SZT2: variants seen among roughly 807,000 people sequenced by gnomAD.
SZT2 encodes the protein SZT2 subunit of KICSTOR complex.
SZT2 carries 216 observed loss-of-function variants against 404.2 expected under a neutral mutation model. That is an observed-to-expected ratio of 0.53 (90% CI 0.48 to 0.60). The LOEUF is 0.60. Ranked by LOEUF, SZT2 falls within the 20% of genes least tolerant of loss-of-function variation. SZT2 has a pLI of 0.00. For missense variants in SZT2, 3,857 were observed against 4,459.2 expected (o/e 0.86, Z 3.85); for synonymous variants, 1,693 against 1,749.9 (o/e 0.97, Z 0.81).
chr1:43,420,635 G>C lies in SZT2; in HGVS notation c.1262-114G>C. 9.3e-7 allele frequency: 1 copy of C among 1,070,256 alleles called. No homozygotes were observed. 66.3% of individuals were successfully genotyped at this position (1,070,256 alleles called of 1,614,324 possible). On this transcript the variant is annotated intron_variant, in intron 9 of 71. Coordinates refer to ENST00000634258, the MANE Select transcript of SZT2 (RefSeq NM_001365999.1). The surrounding 1 kb of genome is among the most constrained non-coding windows in gnomAD (Gnocchi z 5.1). ...GCCTGAAACCTGTGGAACCATGCTT[G>C]GAACCTTTGGCAGGACTGGGTTCCA... is the stretch of plus-strand genomic sequence containing the variant.
At position 43,454,056 on chromosome 1, in the gene SZT2, A is replaced by C; in HGVS notation, c.*3576A>C. 1 of 1,132,508 alleles carries C rather than the reference A, an allele frequency of 8.8e-7. No homozygotes were observed. Among genetic ancestry groups the C allele is most frequent in the Non-Finnish European group, 1.1e-6 (1 of 925,360 alleles). The allele number at this position is 1,132,508 out of a possible 1,614,324, so 70.2% of individuals were successfully genotyped here. ...AGCAGGACCCGCGCCTGGAGAAGGT[A>C]GGGAGGCCGAGCTCCAGGGCCTGAG... is the stretch of plus-strand genomic sequence containing the variant. On this transcript the variant is annotated 3_prime_UTR_variant, in exon 72 of 72. Transcript: ENST00000634258.
chr1:43,440,139 G>A, intron 51 of SZT2, 91 bp downstream of exon 51: 2 of 1,539,252 alleles, frequency 1.3e-6, no homozygotes, highest in East Asian at 2.3e-5. Context: ...GTGGGGTTTA[G>A]GGGAAGCATG....
chr1:43,452,346 T>C lies in SZT2; in HGVS notation c.*1866T>C. 6.5e-7 allele frequency: 1 copy of C among 1,545,624 alleles called. No individual in the cohort carries two copies. Among genetic ancestry groups the C allele is most frequent in the South Asian group, 1.1e-5 (1 of 88,670 alleles). ...TGTGGGGAAGATGGACTGGAGGCCT[T>C]GCCTCCCTTGGCTCTCTCTGCACCT... On this transcript the variant is annotated 3_prime_UTR_variant, in exon 72 of 72. Transcript: ENST00000634258.
chr1:43,396,731 C>G (rs1570539890), intron 1 of SZT2, among the ~76,000 whole-genome samples: 2 of 152,344 alleles, frequency 1.3e-5, no homozygotes, highest in South Asian at 2.1e-4. Flanking sequence ...TTCTGTAACA[C>G]TGTTCTTTCT....
chr1:43,433,286 T>C (rs1243590049), intron 40 of SZT2, 96 bp downstream of exon 40: 1 of 1,365,708 alleles, frequency 7.3e-7, no homozygotes, highest in African/African-American at 1.4e-5. Flanking sequence ...AAGTAAGACT[T>C]GGGACTGAGA....
In SZT2 at chr1:43,442,982, C is replaced by T. The variant is rs1174812322; in HGVS notation, c.8315C>T (p.Thr2772Met). ...FPFDEALRDITAARPSSVLGP... is the reference protein window; with the variant it reads ...FPFDEALRDIMAARPSSVLGP... ...TTTGACGAGGCCCTAAGGGATATCACGGCTGCCCGCCCCAGCTCCGTACTT... is the reference window on the plus strand; with the variant it reads ...TTTGACGAGGCCCTAAGGGATATCATGGCTGCCCGCCCCAGCTCCGTACTT... Residue 2772 changes from threonine to methionine, a missense_variant, in exon 59 of 72, where the codon ACG (threonine) becomes ATG (methionine). Physicochemically the swap from Thr to Met is moderately conservative, Grantham distance 81. This residue lies in a region of SZT2 where 6 missense variants were observed against 17.5 expected (regional missense o/e 0.34). Transcript: ENST00000634258. The surrounding 1 kb of genome is among the most constrained non-coding windows in gnomAD (Gnocchi z 4.5). The T allele has an allele frequency of 2.6e-5, 42 of 1,614,016 alleles. No homozygotes were observed. The highest frequency in any genetic ancestry group is 3.3e-5 in the Admixed American group (2 of 60,002).
chr1:43,446,550 C>G, intron 65 of SZT2, 134 bp downstream of exon 65: 1 of 1,057,146 alleles, frequency 9.5e-7, no homozygotes, highest in Middle Eastern at 3.0e-4. Flanking sequence ...CTGCTATGGC[C>G]TGGCTAGGTC....
In SZT2 at chr1:43,423,885, G is replaced by A. The variant is rs536302590; in HGVS notation, c.2256-332G>A. ...GTGTGGAAGGGTGTGGCTTAGCGGG[G>A]TATGAGTGGTAAGGAGTGTGGAAGG... On this transcript the variant is annotated intron_variant, in intron 15 of 71. Transcript: ENST00000634258. 1.2e-4 allele frequency among the ~76,000 whole-genome samples: 18 copies of A among 150,048 alleles called. 1 individual carries two copies. The South Asian group carries it at 3.6e-3, about 30-fold the overall frequency.
rs1227516853 is a variant in SZT2 at position 43,453,248 on chromosome 1, C to G, written c.*2768C>G. On this transcript the variant is annotated 3_prime_UTR_variant, in exon 72 of 72. Transcript: ENST00000634258. ...CAGATAAAATACAAAAGGCAATTTA[C>G]AAAGGACCAGGACCGCAGAGGCAGA... 4.5e-6 allele frequency: 3 copies of G among 660,948 alleles called. No individual in the cohort carries two copies. In the East Asian group the frequency reaches 8.2e-5, roughly 18 times the overall value. The allele number at this position is 660,948 out of a possible 1,614,324, so 40.9% of individuals were successfully genotyped here. A position where few individuals can be genotyped will look rare whatever the true frequency, so the allele number is the denominator to read the frequency against.
Position 43,452,184 on chromosome 1 carries a change from G to T in SZT2, c.*1704G>T. The T allele has an allele frequency of 6.3e-7, 1 of 1,587,816 alleles. No individual in the cohort carries two copies. The highest frequency in any genetic ancestry group is 8.6e-7 in the Non-Finnish European group (1 of 1,159,232). On this transcript the variant is annotated 3_prime_UTR_variant, in exon 72 of 72. Coordinates refer to ENST00000634258, the MANE Select transcript of SZT2 (RefSeq NM_001365999.1). Reference sequence around the variant, plus strand: ...CACCCACAGAGACATGTAAGTACGTGTGTGTTTCCACCTTTCTCACCTGAG... The same window carrying T: ...CACCCACAGAGACATGTAAGTACGTTTGTGTTTCCACCTTTCTCACCTGAG...
At chr1:43,403,132 T>G in intron 1 of SZT2, 45 bp from the exon 2 acceptor site, 1 of 1,604,046 alleles carries the variant, frequency 6.2e-7, no homozygotes, top group Non-Finnish European at 8.5e-7. Context: ...TTCCAGGTAC[T>G]CGGTGCCATT....
rs1656315167 is a variant in SZT2 at position 43,450,904 on chromosome 1, C to T, written c.*424C>T. The T allele has an allele frequency of 1.3e-6, 1 of 742,792 alleles. No individual in the cohort carries two copies. The highest frequency in any genetic ancestry group is 2.5e-6 in the Non-Finnish European group (1 of 404,066). The allele number at this position is 742,792 out of a possible 1,614,324, so 46.0% of individuals were successfully genotyped here. A position where few individuals can be genotyped will look rare whatever the true frequency, so the allele number is the denominator to read the frequency against. On this transcript the variant is annotated 3_prime_UTR_variant, in exon 72 of 72. Transcript: ENST00000634258. The surrounding 1 kb of genome is among the most constrained non-coding windows in gnomAD (Gnocchi z 4.3). ...GGGTCTTCACTTCCCACTTGGACAT[C>T]ACTGCTGGACATTCCCATCGAGATG...
chr1:43,442,576 C>T lies in SZT2; in HGVS notation c.8109C>T (p.Phe2703=). ...FCLLSQKLGL[F]HHYGQLDFPV... ...TACTCAGCCAGAAGCTTGGCCTCTT[C>T]CATCATTATGGCCAGTTGGACTTCC... is the stretch of plus-strand genomic sequence containing the variant. Residue 2703 remains phenylalanine, a synonymous_variant, in exon 58 of 72, where the codon TTC becomes TTT. Transcript: ENST00000634258. The surrounding 1 kb of genome is among the most constrained non-coding windows in gnomAD (Gnocchi z 4.5). The T allele has an allele frequency of 3.1e-6, 5 of 1,613,110 alleles. No individual in the cohort carries two copies. The highest frequency in any genetic ancestry group is 4.2e-6 in the Non-Finnish European group (5 of 1,179,420).
intron 62 of SZT2, among the ~76,000 whole-genome samples, chr1:43,444,388 C>T (rs1236689475): frequency 1.3e-5 from 2 of 152,158 alleles, no homozygotes; most frequent in South Asian, 2.1e-4. Flanking sequence ...TGAGCCATCA[C>T]GCCCGGCCTG....
chr1:43,439,426 G>A lies in SZT2; in HGVS notation c.6861G>A (p.Gln2287=). ...ACTTGTATAACAAGCCTGGTGGACA[G>A]GGCACTGGGGGCAAAGGTACGGTGC... The part of the protein sequence containing the change: ...DIYLYNKPGG[Q]GTGGKGVACI... The change falls in exon 49 of 72, where the codon CAG becomes CAA. Residue 2287 remains glutamine, a synonymous_variant. Coordinates refer to ENST00000634258, the MANE Select transcript of SZT2 (RefSeq NM_001365999.1). The surrounding 1 kb of genome is among the most constrained non-coding windows in gnomAD (Gnocchi z 4.2). The A allele has an allele frequency of 6.2e-7, 1 of 1,612,072 alleles. No homozygotes were observed. Among genetic ancestry groups the A allele is most frequent in the South Asian group, 1.1e-5 (1 of 90,674 alleles).
At chr1:43,403,332 G>A (rs1377561831) in intron 2 of SZT2, 30 bp downstream of exon 2, 20 of 1,605,870 alleles carry the variant, frequency 1.2e-5, no homozygotes, top group Middle Eastern at 2.1e-4. Context: ...AAGGTGTGAG[G>A]GGCCAGCCCA....
In SZT2 at chr1:43,437,532, T is replaced by C. The variant is rs754168590; in HGVS notation, c.6290+24T>C. ...CGGTATGTGGCCCTTGGAAGGTGGG[T>C]AGGGCATGAATTAAGGATGGCCTGG... On this transcript the variant is annotated intron_variant, in intron 44 of 71. Transcript: ENST00000634258. This position sits in a 1 kb window ranked among gnomAD's most constrained non-coding sequence, Gnocchi z 5.3. The C allele has an allele frequency of 8.5e-5, 137 of 1,613,844 alleles. No homozygotes were observed. The highest frequency in any genetic ancestry group is 1.0e-4 in the Non-Finnish European group (121 of 1,179,958).
chr1:43,398,117 G>T (rs917699834), intron 1 of SZT2, among the ~76,000 whole-genome samples: 2 of 152,088 alleles, frequency 1.3e-5, no homozygotes, highest in African/African-American at 2.4e-5. Context: ...GAAACAGGCT[G>T]GCATTTGAAA....
At position 43,431,046 on chromosome 1, in the gene SZT2, C is replaced by G; in HGVS notation, c.4872C>G (p.Pro1624=). ...TGGATGTCTTCATGCTGACTTTGCC[C>G]CTGGAAGTGGAGCTCCCCACGGCCT... is the stretch of plus-strand genomic sequence containing the variant. ...VTLDVFMLTL[P]LEVELPTASD... is the part of the protein sequence containing the mutation. The change falls in exon 33 of 72, where the codon CCC becomes CCG. Residue 1624 remains proline (P), a synonymous_variant. Transcript: ENST00000634258. 13 of 1,614,128 alleles carry G rather than the reference C, an allele frequency of 8.1e-6. No homozygotes were observed. The highest frequency in any genetic ancestry group is 1.1e-5 in the Non-Finnish European group (13 of 1,180,030).
Sources: allele counts gnomAD v4.1 joint callset (sites outside exome capture counted in the v4.1 genomes callset), GRCh38; gene constraint gnomAD v4.1.1; regional missense constraint gnomAD v4.1.1; non-coding constraint Gnocchi (gnomAD v3.1); transcripts MANE v1.5; gene names NCBI Gene and HGNC (gene_info 2026-07-23, HGNC 2026-07-21).